The following PARD3B variants were observed in gnomAD, a reference collection of about 807,000 sequenced individuals.
PARD3B encodes partitioning defective 3 homolog B.
A neutral mutation model predicts 130.2 loss-of-function variants in PARD3B; 103 were observed. The observed-to-expected ratio is 0.79, with a 90% CI of 0.67 to 0.93. The LOEUF is 0.93. PARD3B is among the 40% of genes least tolerant of loss of function. The probability of loss-of-function intolerance (pLI) is 0.00; values close to 1 mark genes in which losing one functional copy is unlikely to be tolerated. For synonymous variants in PARD3B, 583 were observed against 553.2 expected, an observed-to-expected ratio of 1.05 and a Z score of -0.76; for missense variants, 1,609 against 1,499.2, an observed-to-expected ratio of 1.07 and a Z score of -1.21.
chr2:204,927,642 A>ATTCTAT (rs1270680379), intron 2 of PARD3B, among the ~76,000 whole-genome samples: 2 of 151,406 alleles, frequency 1.3e-5, no homozygotes, highest in Non-Finnish European at 2.9e-5. Context: ...GTTTGAATTG[A>ATTCTAT]TACAGGAATC....
At chr2:204,753,249 T>C (rs2040535016) in intron 2 of PARD3B, among the ~76,000 whole-genome samples, 1 of 152,202 alleles carries the variant, frequency 6.6e-6, no homozygotes, top group South Asian at 2.1e-4. Flanking sequence ...GTCATGTTTT[T>C]GTTGCTTAAG....
At chr2:205,035,801 ATATATATATATATATATATCTATATATC>A (rs1158268756) in intron 3 of PARD3B, among the ~76,000 whole-genome samples, 79 of 4,942 alleles carry the variant, frequency 0.016, 3 homozygotes, top group Non-Finnish European at 0.036. Flanking sequence ...TATATCTCAT[ATATATATATATATATATATCTATATATC>A]TATATATATA....
intron 22 of PARD3B, among the ~76,000 whole-genome samples, chr2:205,553,927 A>T (rs1345515125): frequency 1.3e-5 from 2 of 152,214 alleles, no homozygotes; most frequent in Admixed American, 1.3e-4. Flanking sequence ...AAACAACTGC[A>T]TGGGAAAAGT....
rs1696636582 is a variant in PARD3B at position 205,021,820 on chromosome 2, C to G, written c.395-25761C>G. 6.6e-6 allele frequency among the ~76,000 whole-genome samples: 1 copy of G among 152,074 alleles called. No homozygotes were observed. The highest frequency in any genetic ancestry group is 1.9e-4 in the East Asian group (1 of 5,192). On this transcript the variant is annotated intron_variant, in intron 3 of 22. Coordinates refer to ENST00000406610, the MANE Select transcript of PARD3B (RefSeq NM_001302769.2). This position sits in a 1 kb window ranked among gnomAD's most constrained non-coding sequence, Gnocchi z 4.5. ...GCAGAAACACAGGGAACTCAGGTCC[C>G]TTGGATTCTGTAGCACTGGTTTTAT...
chr2:205,141,483 T>C (rs1043832512), intron 10 of PARD3B, among the ~76,000 whole-genome samples: 19 of 152,170 alleles, frequency 1.2e-4, no homozygotes, highest in African/African-American at 4.6e-4. Flanking sequence ...AGTTGCCAAA[T>C]AGCACCAGCT....
intron 3 of PARD3B, among the ~76,000 whole-genome samples, chr2:204,968,959 T>C (rs1691473535): frequency 6.6e-6 from 1 of 152,258 alleles, no homozygotes; most frequent in African/African-American, 2.4e-5. Flanking sequence ...TATTTTCTAA[T>C]GGATTTTCTA....
intron 2 of PARD3B, among the ~76,000 whole-genome samples, chr2:204,717,969 T>C (rs2038813739): frequency 6.6e-6 from 1 of 152,200 alleles, no homozygotes; most frequent in Non-Finnish European, 1.5e-5. Flanking sequence ...AATTTACATA[T>C]ATTACATGTC....
chr2:205,277,250 G>C (rs1002026510), intron 16 of PARD3B, among the ~76,000 whole-genome samples: 2 of 152,190 alleles, frequency 1.3e-5, no homozygotes, highest in Non-Finnish European at 2.9e-5. Flanking sequence ...AGAATGGGGA[G>C]TGTGCTTGGG....
At chr2:205,222,575 G>T (rs968514270) in intron 15 of PARD3B, among the ~76,000 whole-genome samples, 2 of 152,190 alleles carry the variant, frequency 1.3e-5, no homozygotes, top group African/African-American at 4.8e-5. Flanking sequence ...ACTAGACAAT[G>T]TGAAAACATA....
intron 2 of PARD3B, among the ~76,000 whole-genome samples, chr2:204,790,798 T>C (rs567388730): frequency 7.2e-5 from 11 of 152,300 alleles, no homozygotes; most frequent in African/African-American, 2.2e-4. Context: ...GCTTATTATT[T>C]GAGTTTATAG....
At chr2:204,895,650 G>A (rs991584863) in intron 2 of PARD3B, among the ~76,000 whole-genome samples, 1 of 151,854 alleles carries the variant, frequency 6.6e-6, no homozygotes, top group South Asian at 2.1e-4. Flanking sequence ...GAGCTCCCCC[G>A]CCAAAAAAAG....
At chr2:205,189,467 T>C (rs1454006524) in intron 14 of PARD3B, among the ~76,000 whole-genome samples, 1 of 152,202 alleles carries the variant, frequency 6.6e-6, no homozygotes, top group Non-Finnish European at 1.5e-5. Flanking sequence ...TCTCTGGTCG[T>C]TCATGCTGAA....
intron 5 of PARD3B, among the ~76,000 whole-genome samples, chr2:205,110,922 T>C (rs1160824619): frequency 6.6e-6 from 1 of 152,198 alleles, no homozygotes; most frequent in Non-Finnish European, 1.5e-5. Flanking sequence ...TGTCCAGTCC[T>C]ACTTGCTGTG....
chr2:204,575,550 C>G (rs1206759050), intron 1 of PARD3B, among the ~76,000 whole-genome samples: 1 of 152,188 alleles, frequency 6.6e-6, no homozygotes, highest in African/African-American at 2.4e-5. Context: ...TTTCTCTTCC[C>G]TTTTGTATAG....
intron 2 of PARD3B, among the ~76,000 whole-genome samples, chr2:204,793,935 A>G (rs2042281459): frequency 6.6e-6 from 1 of 152,220 alleles, no homozygotes; most frequent in Non-Finnish European, 1.5e-5. Context: ...GTTTGCAAGT[A>G]GTATTACAAA....
intron 2 of PARD3B, among the ~76,000 whole-genome samples, chr2:204,827,974 G>C (rs1364180510): frequency 6.6e-6 from 1 of 152,134 alleles, no homozygotes; most frequent in Non-Finnish European, 1.5e-5. Context: ...TAGAATCTGG[G>C]AGGTGGGCGG....
rs1185250890 is a variant in PARD3B, at chr2:205,158,955, T to C, written c.1620+48T>C. 1.3e-6 allele frequency: 2 copies of C among 1,588,458 alleles called. No individual in the cohort carries two copies. The highest frequency in any genetic ancestry group is 3.4e-5 in the Admixed American group (2 of 59,344). ...CATCCTTTGAGAAGGCACTTGGAGA[T>C]GTGACTGTTGTACTTAGAGACTGAA... On this transcript the variant is annotated intron_variant, in intron 11 of 22. Transcript: ENST00000406610. This position sits in a 1 kb window ranked among gnomAD's most constrained non-coding sequence, Gnocchi z 5.4.
chr2:204,911,912 T>C (rs1209613093), intron 2 of PARD3B, among the ~76,000 whole-genome samples: 1 of 151,752 alleles, frequency 6.6e-6, no homozygotes, highest in Non-Finnish European at 1.5e-5. Context: ...CTGGAAAAAA[T>C]GAAACTAAAA....
chr2:205,566,166 C>T (rs1323995760), intron 22 of PARD3B, among the ~76,000 whole-genome samples: 2 of 152,150 alleles, frequency 1.3e-5, no homozygotes, highest in African/African-American at 4.8e-5. Flanking sequence ...GCAGTCAGAC[C>T]ATGAGTGGTC....
Sources: gnomAD v4.1 joint callset for allele counts (sites outside exome capture counted in the v4.1 genomes callset) on GRCh38, gnomAD v4.1.1 for gene constraint, Gnocchi (gnomAD v3.1) non-coding constraint, MANE v1.5 for transcripts, NCBI Gene and HGNC (gene_info 2026-07-23, HGNC 2026-07-21) for gene names.